The following DLEU7 variants were observed in gnomAD, a reference collection of about 807,000 sequenced individuals.
DLEU7 encodes deleted in lymphocytic leukemia 7.
DLEU7 carries 17 observed loss-of-function variants against 16.0 expected under a neutral mutation model. That is an observed-to-expected ratio of 1.06 (90% CI 0.73 to 1.59). DLEU7 has a LOEUF of 1.59. DLEU7 is among the 40% of genes most tolerant of loss of function. DLEU7 has a pLI of 0.00. For synonymous variants in DLEU7, 113 were observed against 139.8 expected, an observed-to-expected ratio of 0.81 and a Z score of 1.35; for missense variants, 308 against 314.9, an observed-to-expected ratio of 0.98 and a Z score of 0.17.
intron 1 of DLEU7, among the ~76,000 whole-genome samples, chr13:50,755,763 G>T (rs948178357): frequency 5.4e-5 from 8 of 149,428 alleles, no homozygotes; most frequent in African/African-American, 1.5e-4. Context: ...GAGGGGGGGG[G>T]CACGGTATTA....
At chr13:50,773,573 C>T (rs1308094639) in intron 1 of DLEU7, among the ~76,000 whole-genome samples, 1 of 152,124 alleles carries the variant, frequency 6.6e-6, no homozygotes, top group Non-Finnish European at 1.5e-5. Context: ...CACTCCAGAC[C>T]CTGTTTGCCT....
At chr13:50,839,918 G>A (rs1877590212) in intron 1 of DLEU7, 1 of 152,194 alleles carries the variant, frequency 6.6e-6, no homozygotes, top group Non-Finnish European at 1.5e-5. Context: ...AGGAAACTGA[G>A]GGACAGAAAG....
intron 1 of DLEU7, among the ~76,000 whole-genome samples, chr13:50,767,834 G>C (rs550127379): frequency 6.6e-6 from 1 of 152,314 alleles, no homozygotes; most frequent in South Asian, 2.1e-4. Context: ...GGGAGCTCCT[G>C]AAGGTCAAGC....
chr13:50,751,438 G>A lies in DLEU7; in HGVS notation c.460-38198C>T, dbSNP rs548542217. On this transcript the variant is annotated intron_variant, in intron 1 of 1. Transcript: ENST00000400393. ...TGGTTTTGGTATTAGGGTGATGCTG[G>A]CCTCATAGAATGAATTAGAGAGGGT... 2.0e-5 allele frequency among the ~76,000 whole-genome samples: 3 copies of A among 152,250 alleles called. No homozygotes were observed. In the East Asian group the frequency reaches 5.8e-4, roughly 29 times the overall value.
In DLEU7 at chr13:50,726,703, G is replaced by A. The variant is rs982052596; in HGVS notation, c.460-13463C>T. ...GCCTTTTATTTCTCCAGGCATGGGT[G>A]CACCTCGGGGGTGGGCTGAGCACCT... On this transcript the variant is annotated intron_variant, in intron 1 of 1. Transcript: ENST00000400393. This position sits in a 1 kb window ranked among gnomAD's most constrained non-coding sequence, Gnocchi z 4.0. Among the ~76,000 whole-genome samples, 1 of 152,074 alleles carries A rather than the reference G, an allele frequency of 6.6e-6. No homozygotes were observed. Among genetic ancestry groups the A allele is most frequent in the Non-Finnish European group, 1.5e-5 (1 of 68,014 alleles).
intron 1 of DLEU7, among the ~76,000 whole-genome samples, chr13:50,759,599 CAGTAGTGATAGT>C (rs1207993102): frequency 6.6e-6 from 1 of 152,142 alleles, no homozygotes; most frequent in African/African-American, 2.4e-5. Context: ...CAGAAGGGCA[CAGTAGTGATAGT>C]AGTCTTCTTA....
chr13:50,797,885 T>G (rs1027269692), intron 1 of DLEU7, among the ~76,000 whole-genome samples: 1 of 152,206 alleles, frequency 6.6e-6, no homozygotes, highest in Non-Finnish European at 1.5e-5. Flanking sequence ...GAACGTACTA[T>G]TGTCCCCTAT....
chr13:50,752,878 C>T (rs1874618707), intron 1 of DLEU7, among the ~76,000 whole-genome samples: 1 of 152,110 alleles, frequency 6.6e-6, no homozygotes, highest in Non-Finnish European at 1.5e-5. Flanking sequence ...GCTCAGGCAG[C>T]CTGCTTTTAT....
intron 1 of DLEU7, among the ~76,000 whole-genome samples, chr13:50,772,768 A>G (rs919375129): frequency 5.3e-5 from 8 of 152,076 alleles, no homozygotes; most frequent in Non-Finnish European, 8.8e-5. Flanking sequence ...CTCGAGGAGT[A>G]TCTTTGTGGC....
intron 1 of DLEU7, among the ~76,000 whole-genome samples, chr13:50,762,918 AAAGAT>A (rs151092507): frequency 0.022 from 3,362 of 152,234 alleles, 77 homozygotes; most frequent in East Asian, 0.058. Flanking sequence ...TCACAGGTGA[AAAGAT>A]AAAGTTCTTC....
chr13:50,767,848 C>T (rs1048314617), intron 1 of DLEU7, among the ~76,000 whole-genome samples: 12 of 152,156 alleles, frequency 7.9e-5, no homozygotes, highest in Admixed American at 7.2e-4. Context: ...GTCAAGCCTC[C>T]GTGATGCTTT....
At chr13:50,743,136 AAGAGAG>A (rs35675993) in intron 1 of DLEU7, among the ~76,000 whole-genome samples, 60 of 150,248 alleles carry the variant, frequency 4.0e-4, no homozygotes, top group East Asian at 2.7e-3. Context: ...CTGTAAGAAA[AAGAGAG>A]AGAGAGAGAG....
At chr13:50,713,001 G>T (rs539891436) in exon 2 of DLEU7, 4 of 550,618 alleles carry the variant, frequency 7.3e-6, no homozygotes, top group African/African-American at 5.7e-5. Flanking sequence ...AAGAAAGCAG[G>T]ATGATTTGTG....
At chr13:50,733,907 T>G (rs1470365203) in intron 1 of DLEU7, among the ~76,000 whole-genome samples, 1 of 152,092 alleles carries the variant, frequency 6.6e-6, no homozygotes, top group Non-Finnish European at 1.5e-5. Context: ...ATCACCTAAG[T>G]AGCAAGTAGC....
At chr13:50,759,209 A>G (rs1593545713) in intron 1 of DLEU7, among the ~76,000 whole-genome samples, 1 of 148,760 alleles carries the variant, frequency 6.7e-6, no homozygotes, top group African/African-American at 2.4e-5. Context: ...AGCCTAGTCT[A>G]TCAGCTTCAT....
chr13:50,795,057 A>AAC (rs2137776873), intron 1 of DLEU7, among the ~76,000 whole-genome samples: 1 of 151,194 alleles, frequency 6.6e-6, no homozygotes, highest in South Asian at 2.1e-4. Flanking sequence ...GTTGGCTTCA[A>AAC]AAACACACAA....
intron 1 of DLEU7, among the ~76,000 whole-genome samples, chr13:50,756,606 C>G (rs539935278): frequency 6.6e-6 from 1 of 152,124 alleles, no homozygotes; most frequent in Non-Finnish European, 1.5e-5. Context: ...GGCAGTGGGC[C>G]GAGCAGGGCT....
intron 1 of DLEU7, among the ~76,000 whole-genome samples, chr13:50,736,320 A>G (rs1056419324): frequency 6.6e-6 from 1 of 152,054 alleles, no homozygotes; most frequent in African/African-American, 2.4e-5. Context: ...ATGGACACGT[A>G]AAGGGGAACA....
At chr13:50,840,068 A>G (rs1326100199) in intron 1 of DLEU7, 1 of 152,230 alleles carries the variant, frequency 6.6e-6, no homozygotes, top group Non-Finnish European at 1.5e-5. Context: ...GCTTTAGTTC[A>G]AGTGAGTCTT....
Sources: allele counts gnomAD v4.1 joint callset (sites outside exome capture counted in the v4.1 genomes callset), GRCh38; gene constraint gnomAD v4.1.1; non-coding constraint Gnocchi (gnomAD v3.1); transcripts MANE v1.5; gene names NCBI Gene and HGNC (gene_info 2026-07-23, HGNC 2026-07-21).